The following SLCO5A1 variants were observed in gnomAD, a reference collection of about 807,000 sequenced individuals.
The protein encoded by SLCO5A1 is solute carrier organic anion transporter family member 5A1.
In SLCO5A1, 39 loss-of-function variants were observed where a neutral mutation model predicts 65.1. The observed-to-expected ratio is 0.60, with a 90% CI of 0.46 to 0.78. SLCO5A1 has a LOEUF of 0.78. Ranked by LOEUF, SLCO5A1 falls within the 30% of genes least tolerant of loss-of-function variation. SLCO5A1 has a pLI of 0.00. For missense variants in SLCO5A1, 1,029 were observed against 1,069.4 expected (o/e 0.96, Z 0.53); for synonymous variants, 438 against 415.7 (o/e 1.05, Z -0.65).
At chr8:69,720,358 C>T (rs746960542) in intron 5 of SLCO5A1, among the ~76,000 whole-genome samples, 15 of 152,206 alleles carry the variant, frequency 9.9e-5, no homozygotes, top group Non-Finnish European at 1.6e-4. Context: ...GGTTCACCAA[C>T]GACCCCAGAT....
At chr8:69,740,340 A>G (rs933926392) in intron 4 of SLCO5A1, among the ~76,000 whole-genome samples, 5 of 152,212 alleles carry the variant, frequency 3.3e-5, no homozygotes, top group African/African-American at 1.2e-4. Context: ...AAAGTTATAA[A>G]TACATTGAAA....
intron 5 of SLCO5A1, chr8:69,719,696 G>A (rs375659897): frequency 6.6e-6 from 1 of 152,062 alleles, no homozygotes; most frequent in African/African-American, 2.4e-5. Flanking sequence ...ACTCCTGTTC[G>A]TTTCTTCCCT....
intron 2 of SLCO5A1, among the ~76,000 whole-genome samples, chr8:69,762,892 C>T (rs1214574943): frequency 6.6e-6 from 1 of 152,178 alleles, no homozygotes; most frequent in South Asian, 2.1e-4. Context: ...AAATGGAAAG[C>T]ACCAACCACA....
intron 2 of SLCO5A1, among the ~76,000 whole-genome samples, chr8:69,826,265 A>G: frequency 6.6e-6 from 1 of 150,530 alleles, no homozygotes; most frequent in Admixed American, 6.6e-5. Context: ...GCAACAAAAG[A>G]CAAAATTGAC....
At chr8:69,728,889 T>G (rs1255376685) in intron 5 of SLCO5A1, among the ~76,000 whole-genome samples, 1 of 152,074 alleles carries the variant, frequency 6.6e-6, no homozygotes, top group East Asian at 1.9e-4. Context: ...CCAGAAACAA[T>G]GACGATCTTG....
chr8:69,755,806 T>A (rs192673579), intron 3 of SLCO5A1, among the ~76,000 whole-genome samples, 165 bp from the exon 4 acceptor site: 4 of 152,374 alleles, frequency 2.6e-5, no homozygotes, highest in African/African-American at 9.6e-5. Context: ...AGGAATTCTC[T>A]CTTTCTGTGA....
chr8:69,785,048 G>A (rs1310826438), intron 2 of SLCO5A1, among the ~76,000 whole-genome samples: 1 of 150,662 alleles, frequency 6.6e-6, no homozygotes, highest in South Asian at 2.1e-4. Flanking sequence ...AAGAGAGAGA[G>A]AGAGAAAGGA....
intron 2 of SLCO5A1, among the ~76,000 whole-genome samples, chr8:69,789,553 G>A (rs1216897703): frequency 6.6e-6 from 1 of 152,178 alleles, no homozygotes; most frequent in Non-Finnish European, 1.5e-5. Flanking sequence ...AATGGGAAAT[G>A]CAGGTCAAAG....
rs1170356042 is a variant in SLCO5A1, at chr8:69,671,539, T to A, written c.*1330A>T. 6.6e-6 allele frequency: 1 copy of A among 152,166 alleles called. No individual in the cohort carries two copies. The highest frequency in any genetic ancestry group is 2.4e-5 in the African/African-American group (1 of 41,428). 9.4% of individuals were successfully genotyped at this position (152,166 alleles called of 1,614,324 possible). A position where few individuals can be genotyped will look rare whatever the true frequency, so the allele number is the denominator to read the frequency against. On this transcript the variant is annotated 3_prime_UTR_variant, in exon 10 of 10. Coordinates refer to ENST00000260126, the MANE Select transcript of SLCO5A1 (RefSeq NM_030958.3). ...AGAGCCATGTAGAAAGCATTCTCTA[T>A]GATGCTTACTTCAAAGTGATGTGCT...
At chr8:69,765,893 T>C (rs1263030879) in intron 2 of SLCO5A1, among the ~76,000 whole-genome samples, 1 of 152,182 alleles carries the variant, frequency 6.6e-6, no homozygotes. Flanking sequence ...TGTCCTCCCC[T>C]AAGTGGCCTC....
chr8:69,715,329 T>C (rs1815464063), intron 5 of SLCO5A1, among the ~76,000 whole-genome samples: 2 of 152,216 alleles, frequency 1.3e-5, no homozygotes, highest in African/African-American at 4.8e-5. Flanking sequence ...CAAACGACGT[T>C]GGTATCAATT....
intron 2 of SLCO5A1, among the ~76,000 whole-genome samples, chr8:69,809,508 A>C (rs946822470): frequency 6.6e-6 from 1 of 152,206 alleles, no homozygotes; most frequent in African/African-American, 2.4e-5. Context: ...AATATAGTCA[A>C]ATTTTCCAAA....
At chr8:69,805,116 C>G (rs534464675) in intron 2 of SLCO5A1, among the ~76,000 whole-genome samples, 3 of 151,996 alleles carry the variant, frequency 2.0e-5, no homozygotes, top group Admixed American at 2.0e-4. Context: ...CTAAGAATCA[C>G]TATTCAGGCC....
At chr8:69,703,127 AAAAAG>A in intron 6 of SLCO5A1, among the ~76,000 whole-genome samples, 1 of 151,452 alleles carries the variant, frequency 6.6e-6, no homozygotes, top group Non-Finnish European at 1.5e-5. Context: ...AAAAAAAAGA[AAAAAG>A]AAAAAAAGAA....
intron 3 of SLCO5A1, among the ~76,000 whole-genome samples, chr8:69,758,031 T>C (rs1317572037): frequency 6.6e-6 from 1 of 152,246 alleles, no homozygotes; most frequent in African/African-American, 2.4e-5. Flanking sequence ...AGCCTTCTTA[T>C]CTACAAGTGG....
chr8:69,811,322 G>A (rs991703511), intron 2 of SLCO5A1, among the ~76,000 whole-genome samples: 2 of 152,174 alleles, frequency 1.3e-5, no homozygotes, highest in African/African-American at 4.8e-5. Context: ...ATTACCAGAA[G>A]CCCATAGCAA....
In SLCO5A1 at chr8:69,679,496, C is replaced by T; in HGVS notation, c.1906G>A (p.Ala636Thr). Residue 636 changes from alanine to threonine, a missense_variant, in exon 8 of 10, where the codon GCT becomes ACT. Physicochemically the swap from Ala to Thr is moderately conservative, Grantham distance 58. Transcript: ENST00000260126. ...VKTYLNENGY[A>T]VSGKCKRTCN... ...GTCCGTTTACATTTCCCAGACACAG[C>T]ATAGCCGTTCTCATTGAGATAAGTC... is the stretch of plus-strand genomic sequence containing the variant. 1 of 1,614,220 alleles carries T rather than the reference C, an allele frequency of 6.2e-7. No homozygotes were observed. The highest frequency in any genetic ancestry group is 1.3e-5 in the African/African-American group (1 of 75,046).
intron 6 of SLCO5A1, among the ~76,000 whole-genome samples, chr8:69,695,333 A>G (rs1202105070): frequency 6.6e-6 from 1 of 151,978 alleles, no homozygotes; most frequent in Non-Finnish European, 1.5e-5. Context: ...CATCTCTACT[A>G]AAAAATACGA....
At chr8:69,744,515 A>G (rs1192106098) in intron 4 of SLCO5A1, among the ~76,000 whole-genome samples, 2 of 152,190 alleles carry the variant, frequency 1.3e-5, no homozygotes, top group African/African-American at 4.8e-5. Context: ...CTGTGCTCCC[A>G]TGTACTTGGT....
Sources: gnomAD v4.1 joint callset for allele counts (sites outside exome capture counted in the v4.1 genomes callset) on GRCh38, gnomAD v4.1.1 for gene constraint, MANE v1.5 for transcripts, NCBI Gene and HGNC (gene_info 2026-07-23, HGNC 2026-07-21) for gene names.